The following PLA2G4A variants were observed in gnomAD, a reference collection of about 807,000 sequenced individuals.
PLA2G4A encodes cytosolic phospholipase A2.
A neutral mutation model predicts 81.9 loss-of-function variants in PLA2G4A; 40 were observed. The ratio of observed to expected loss-of-function variants is 0.49; its 90% CI spans 0.38 to 0.64. The LOEUF is 0.64. PLA2G4A is among the 30% of genes least tolerant of loss of function. The pLI is 0.00. For missense variants in PLA2G4A, 715 were observed against 905.1 expected (o/e 0.79, Z 2.69); for synonymous variants, 302 against 296.9 (o/e 1.02, Z -0.18).
At chr1:186,870,816 TG>T in intron 3 of PLA2G4A, 2 of 961,808 alleles carry the variant, frequency 2.1e-6, no homozygotes, top group Non-Finnish European at 3.2e-6. Context: ...TTGAGTTCCT[TG>T]ACAAATCAGA....
At position 186,878,623 on chromosome 1, in the gene PLA2G4A, A is replaced by G. The variant is rs187132234; in HGVS notation, c.115+8107A>G. ...GAGAAATATAATGTGTTAGTAAGGC[A>G]CTGTTGTTCCTTCCTCATCTGCTTA... On this transcript the variant is annotated intron_variant, in intron 3 of 17. Transcript: ENST00000367466. 2.3e-3 allele frequency among the ~76,000 whole-genome samples: 354 copies of G among 151,958 alleles called. 1 individual carries two copies. Among genetic ancestry groups the G allele is most frequent in the African/African-American group, 7.8e-3 (323 of 41,538 alleles).
At chr1:186,955,875 A>G (rs1342477811) in intron 13 of PLA2G4A, among the ~76,000 whole-genome samples, 1 of 149,272 alleles carries the variant, frequency 6.7e-6, no homozygotes, top group Non-Finnish European at 1.5e-5. Context: ...CTGGGACTAG[A>G]GGTGCACGCC....
chr1:186,950,114 T>C (rs906430989), intron 12 of PLA2G4A, among the ~76,000 whole-genome samples: 1 of 152,204 alleles, frequency 6.6e-6, no homozygotes, highest in Non-Finnish European at 1.5e-5. Context: ...TTAGTTTTTA[T>C]AACTGCTCTC....
intron 15 of PLA2G4A, among the ~76,000 whole-genome samples, chr1:186,977,069 G>T (rs1206629148): frequency 6.6e-6 from 1 of 152,158 alleles, no homozygotes; most frequent in Non-Finnish European, 1.5e-5. Flanking sequence ...TGAGGCCAAA[G>T]GTTCAACTTC....
intron 7 of PLA2G4A, among the ~76,000 whole-genome samples, chr1:186,923,908 T>G (rs1423287276): frequency 1.3e-5 from 2 of 152,266 alleles, no homozygotes; most frequent in Non-Finnish European, 2.9e-5. Context: ...ACTTGTCTCC[T>G]AATGATAGAG....
At chr1:186,882,999 T>G (rs987204372) in intron 3 of PLA2G4A, among the ~76,000 whole-genome samples, 5 of 151,964 alleles carry the variant, frequency 3.3e-5, no homozygotes, top group Non-Finnish European at 7.4e-5. Context: ...TTTTAGTTTT[T>G]TTTTGTTTTG....
At chr1:186,856,306 T>C (rs1571337565) in intron 2 of PLA2G4A, among the ~76,000 whole-genome samples, 2 of 137,762 alleles carry the variant, frequency 1.5e-5, no homozygotes, top group South Asian at 4.8e-4. Flanking sequence ...TATATATATA[T>C]ACATATTTTA....
At chr1:186,853,721 G>A (rs894294584) in intron 1 of PLA2G4A, among the ~76,000 whole-genome samples, 11 of 151,774 alleles carry the variant, frequency 7.2e-5, no homozygotes, top group African/African-American at 2.7e-4. Flanking sequence ...AAAGTATAGA[G>A]AGTATTTTTC....
intron 8 of PLA2G4A, among the ~76,000 whole-genome samples, chr1:186,937,191 T>C (rs1309091450): frequency 6.6e-6 from 1 of 151,834 alleles, no homozygotes; most frequent in Non-Finnish European, 1.5e-5. Flanking sequence ...TGAAGTATTC[T>C]AGGTTTTTCT....
chr1:186,848,888 T>C (rs977919466), intron 1 of PLA2G4A, among the ~76,000 whole-genome samples: 5 of 152,056 alleles, frequency 3.3e-5, no homozygotes, highest in East Asian at 1.9e-4. Flanking sequence ...TAAGATACAG[T>C]AGTGGATAAT....
intron 6 of PLA2G4A, among the ~76,000 whole-genome samples, chr1:186,911,040 C>A (rs1163537735): frequency 6.6e-6 from 1 of 152,174 alleles, no homozygotes; most frequent in East Asian, 1.9e-4. Context: ...TTGGAAAGTC[C>A]TTTTTCTCTG....
At chr1:186,854,471 C>G in intron 2 of PLA2G4A, 84 bp downstream of exon 2, 1 of 847,418 alleles carries the variant, frequency 1.2e-6, no homozygotes, top group Non-Finnish European at 2.1e-6. Context: ...CTAGTAAAGT[C>G]AAACTGTGAC....
At chr1:186,892,695 A>G (rs539752395) in intron 3 of PLA2G4A, among the ~76,000 whole-genome samples, 2 of 152,290 alleles carry the variant, frequency 1.3e-5, no homozygotes, top group South Asian at 2.1e-4. Context: ...GCTGGGTGAC[A>G]TTGTTATCAT....
chr1:186,910,899 T>C (rs1267280664), intron 6 of PLA2G4A, among the ~76,000 whole-genome samples: 1 of 152,220 alleles, frequency 6.6e-6, no homozygotes, highest in Non-Finnish European at 1.5e-5. Context: ...GAATTCTTGG[T>C]CAAGTAAGTT....
intron 3 of PLA2G4A, among the ~76,000 whole-genome samples, chr1:186,878,617 T>A (rs1653608346): frequency 6.6e-6 from 1 of 151,914 alleles, no homozygotes; most frequent in Non-Finnish European, 1.5e-5. Context: ...AATGTGTTAG[T>A]AAGGCACTGT....
At chr1:186,893,980 A>G in intron 4 of PLA2G4A, 118 bp from the exon 5 acceptor site, 1 of 683,770 alleles carries the variant, frequency 1.5e-6, no homozygotes, top group Non-Finnish European at 2.7e-6. Context: ...TGAGATCTTC[A>G]AGGACTCTTA....
At chr1:186,920,701 G>C (rs1342620885) in intron 7 of PLA2G4A, among the ~76,000 whole-genome samples, 1 of 152,194 alleles carries the variant, frequency 6.6e-6, no homozygotes, top group Non-Finnish European at 1.5e-5. Context: ...ATTAGACTGG[G>C]TATTCTTCCC....
Position 186,934,443 on chromosome 1 carries a change from CATAT to C in PLA2G4A, c.695+1562_695+1565del, listed in dbSNP as rs71571011. ...TAATTAAAAGGATTTTAAATGTGCA[CATAT>C]ATATATATATATATATACATACACA... is the stretch of plus-strand genomic sequence containing the variant. On this transcript the variant is annotated intron_variant, in intron 8 of 17. Transcript: ENST00000367466. Among the ~76,000 whole-genome samples the C allele has an allele frequency of 7.5e-4, 75 of 99,566 alleles. 2 individuals carry two copies. The highest frequency in any genetic ancestry group is 3.2e-3 in the African/African-American group (71 of 22,256). The allele number at this position is 99,566 out of a possible 152,430, so 65.3% of individuals were successfully genotyped here.
At chr1:186,834,416 A>C (rs927569777) in intron 1 of PLA2G4A, among the ~76,000 whole-genome samples, 15 of 151,870 alleles carry the variant, frequency 9.9e-5, no homozygotes, top group African/African-American at 3.6e-4. Flanking sequence ...TTATGATTCC[A>C]TTTTGATGTA....
Sources: allele counts gnomAD v4.1 joint callset (sites outside exome capture counted in the v4.1 genomes callset), GRCh38; gene constraint gnomAD v4.1.1; transcripts MANE v1.5; gene names NCBI Gene and HGNC (gene_info 2026-07-23, HGNC 2026-07-21).